Variants in LRRC4C observed in about 807,000 individuals in gnomAD.
The protein encoded by LRRC4C is leucine rich repeat containing 4C, also known as leucine-rich repeat-containing protein 4C.
Under a neutral mutation model 33.6 loss-of-function variants are expected in LRRC4C, and 5 were observed. That is an observed-to-expected ratio of 0.15 (90% CI 0.08 to 0.31). The LOEUF (loss-of-function observed/expected upper bound fraction) is 0.31. LRRC4C is among the 10% of genes least tolerant of loss of function. LRRC4C has a pLI of 1.00. For missense variants in LRRC4C, 560 were observed against 796.7 expected, an observed-to-expected ratio of 0.70 and a Z score of 3.58; for synonymous variants, 329 against 302.0, an observed-to-expected ratio of 1.09 and a Z score of -0.93.
chr11:41,429,882 A>AG, intron 1 of LRRC4C, among the ~76,000 whole-genome samples: 1 of 152,306 alleles, frequency 6.6e-6, no homozygotes, highest in Middle Eastern at 3.4e-3. Context: ...ATAGGAGGAA[A>AG]GGGGAAGCTT....
At chr11:40,177,594 C>G (rs1192537471) in intron 5 of LRRC4C, among the ~76,000 whole-genome samples, 1 of 152,098 alleles carries the variant, frequency 6.6e-6, no homozygotes, top group Non-Finnish European at 1.5e-5. Context: ...CTCACAGTCT[C>G]GTCTCTTTCT....
chr11:40,184,254 G>A (rs566436096), intron 5 of LRRC4C, among the ~76,000 whole-genome samples: 165 of 152,254 alleles, frequency 1.1e-3, no homozygotes, highest in Middle Eastern at 0.01. Context: ...GGGATCAAGA[G>A]GGAAGCTGAA....
intron 2 of LRRC4C, among the ~76,000 whole-genome samples, chr11:40,716,163 C>T (rs529090391): frequency 6.6e-6 from 1 of 151,946 alleles, no homozygotes; most frequent in East Asian, 1.9e-4. Context: ...GCAGTAATAC[C>T]TTAAAAAGTA....
chr11:41,005,597 C>T (rs754770615), intron 1 of LRRC4C, among the ~76,000 whole-genome samples: 3 of 151,972 alleles, frequency 2.0e-5, no homozygotes, highest in Non-Finnish European at 4.4e-5. Context: ...GAGTGAGACT[C>T]CATCTCAAAA....
intron 5 of LRRC4C, among the ~76,000 whole-genome samples, chr11:40,238,938 C>T (rs1590791670): frequency 6.6e-6 from 1 of 152,214 alleles, no homozygotes; most frequent in East Asian, 1.9e-4. Flanking sequence ...AAATGTTATC[C>T]ATTATCGGTA....
chr11:41,410,486 C>T (rs1017679572), intron 1 of LRRC4C, among the ~76,000 whole-genome samples: 2 of 151,198 alleles, frequency 1.3e-5, no homozygotes, highest in African/African-American at 4.9e-5. Flanking sequence ...ATCTCCGCTC[C>T]CGGGTTTACG....
chr11:41,372,735 T>C (rs990605209), intron 1 of LRRC4C, among the ~76,000 whole-genome samples: 1 of 79,728 alleles, frequency 1.3e-5, no homozygotes, highest in Non-Finnish European at 2.6e-5. Flanking sequence ...GGAGAGGTAA[T>C]AAAAAAGAAT....
intron 1 of LRRC4C, among the ~76,000 whole-genome samples, chr11:41,324,536 C>T (rs936663588): frequency 1.3e-5 from 2 of 152,094 alleles, no homozygotes; most frequent in African/African-American, 2.4e-5. Flanking sequence ...AATCCTTCAG[C>T]GAATTTTTGT....
chr11:40,183,738 A>T (rs746549005), intron 5 of LRRC4C, among the ~76,000 whole-genome samples: 5 of 152,234 alleles, frequency 3.3e-5, no homozygotes, highest in African/African-American at 4.8e-5. Context: ...TGAAAACGTG[A>T]ATCTCAGTAA....
At chr11:41,336,056 TCCCTCAGGCTTTGCCACTGAG>T (rs1213124574) in intron 1 of LRRC4C, among the ~76,000 whole-genome samples, 1 of 152,188 alleles carries the variant, frequency 6.6e-6, no homozygotes, top group East Asian at 1.9e-4. Context: ...CTATCTGGCA[TCCCTCAGGCTTTGCCACTGAG>T]CCCTTTGTGC....
At chr11:40,894,042 A>G (rs554382473) in intron 2 of LRRC4C, among the ~76,000 whole-genome samples, 7 of 152,230 alleles carry the variant, frequency 4.6e-5, no homozygotes, top group African/African-American at 1.7e-4. Flanking sequence ...CCATGAAATC[A>G]TTTGCCAATT....
At chr11:40,229,135 C>G (rs1006748477) in intron 5 of LRRC4C, among the ~76,000 whole-genome samples, 1 of 152,104 alleles carries the variant, frequency 6.6e-6, no homozygotes, top group African/African-American at 2.4e-5. Flanking sequence ...CTTTTTTCTA[C>G]CTATTCAAGG....
chr11:40,856,972 T>C (rs1953814923), intron 2 of LRRC4C, among the ~76,000 whole-genome samples: 1 of 152,162 alleles, frequency 6.6e-6, no homozygotes, highest in South Asian at 2.1e-4. Flanking sequence ...AATGCCCAAA[T>C]TGGAGAAGTC....
In LRRC4C at chr11:40,616,289, G is replaced by A. The variant is rs560321540; in HGVS notation, c.-270+31853C>T. ...GTGCTGGAGAGGGTGTGGAGAAATA[G>A]GAACACTTTTACACTGTTGGTGGGA... On this transcript the variant is annotated intron_variant, in intron 3 of 6. Transcript: ENST00000528697. Among the ~76,000 whole-genome samples the A allele has an allele frequency of 1.2e-3, 185 of 152,028 alleles. 1 individual carries two copies. The highest frequency in any genetic ancestry group is 4.2e-3 in the African/African-American group (176 of 41,502).
chr11:41,390,762 C>G (rs1313358936), intron 1 of LRRC4C, among the ~76,000 whole-genome samples: 1 of 151,734 alleles, frequency 6.6e-6, no homozygotes, highest in Non-Finnish European at 1.5e-5. Flanking sequence ...ATATATAATA[C>G]TATGAGAAAA....
chr11:41,035,573 T>C (rs1857015531), intron 1 of LRRC4C, among the ~76,000 whole-genome samples: 1 of 152,192 alleles, frequency 6.6e-6, no homozygotes, highest in African/African-American at 2.4e-5. Context: ...TTCCTTTTAA[T>C]GGCTGTGATA....
At chr11:40,325,864 G>A (rs556495608) in intron 3 of LRRC4C, among the ~76,000 whole-genome samples, 4 of 151,952 alleles carry the variant, frequency 2.6e-5, no homozygotes, top group Non-Finnish European at 5.9e-5. Context: ...GATTGACAAA[G>A]ATATATTTGA....
chr11:40,189,078 A>G (rs1861627370), intron 5 of LRRC4C, among the ~76,000 whole-genome samples: 1 of 152,160 alleles, frequency 6.6e-6, no homozygotes, highest in Admixed American at 6.5e-5. Context: ...CCAGGCCTTT[A>G]TTCATACGCT....
rs35416837 is a variant in LRRC4C at position 40,937,603 on chromosome 11, ATGTGTGTGTGTGTG to A, written c.-495-3894_-495-3881del. Among the ~76,000 whole-genome samples, 48 of 136,002 alleles carry A rather than the reference ATGTGTGTGTGTGTG, an allele frequency of 3.5e-4. No individual in the cohort carries two copies. The South Asian group carries it at 3.9e-3, about 11-fold the overall frequency. 89.2% of individuals were successfully genotyped at this position (136,002 alleles called of 152,430 possible). A position where few individuals can be genotyped will look rare whatever the true frequency, so the allele number is the denominator to read the frequency against. ...ATTCACTCTTCTTGAGTGTGTGTATATGTGTGTGTGTGTGTGTGTGTGTGTGTGTGTGTGTGTGT... is the reference window on the plus strand; with the variant it reads ...ATTCACTCTTCTTGAGTGTGTGTATATGTGTGTGTGTGTGTGTGTGTGTGT... On this transcript the variant is annotated intron_variant, in intron 1 of 6. Coordinates refer to ENST00000528697, the MANE Select transcript of LRRC4C (RefSeq NM_001258419.2).
Sources: allele counts gnomAD v4.1 joint callset (sites outside exome capture counted in the v4.1 genomes callset), GRCh38; gene constraint gnomAD v4.1.1; transcripts MANE v1.5; gene names NCBI Gene and HGNC (gene_info 2026-07-23, HGNC 2026-07-21).